Variants in PLCB4 observed in about 807,000 individuals in gnomAD.
The protein encoded by PLCB4 is phospholipase C beta 4.
In PLCB4, 77 loss-of-function variants were observed where a neutral mutation model predicts 178.8. The observed-to-expected ratio is 0.43, with a 90% CI of 0.36 to 0.52. The LOEUF (loss-of-function observed/expected upper bound fraction) is 0.52, where lower values mean the gene tolerates loss of function less well. Among genes scored for constraint, PLCB4 ranks in the 20% least tolerant of loss-of-function variants. The pLI is 0.00. For synonymous variants in PLCB4, 496 were observed against 490.8 expected, an observed-to-expected ratio of 1.01 and a Z score of -0.14; for missense variants, 1,024 against 1,453.4, an observed-to-expected ratio of 0.70 and a Z score of 4.80.
intron 3 of PLCB4, among the ~76,000 whole-genome samples, chr20:9,294,656 C>G (rs914884609): frequency 6.6e-6 from 1 of 151,910 alleles, no homozygotes; most frequent in East Asian, 1.9e-4. Flanking sequence ...CCCCTTTTTT[C>G]CTTTTTGCTG....
chr20:9,108,795 G>A (rs1600463772), intron 2 of PLCB4, among the ~76,000 whole-genome samples: 1 of 151,870 alleles, frequency 6.6e-6, no homozygotes, highest in East Asian at 1.9e-4. Flanking sequence ...TCCAGGTGCA[G>A]CTGCCCAAAC....
intron 3 of PLCB4, among the ~76,000 whole-genome samples, chr20:9,241,798 A>G (rs1348895388): frequency 1.3e-5 from 2 of 152,232 alleles, no homozygotes; most frequent in Non-Finnish European, 2.9e-5. Context: ...TTGGTTTATG[A>G]CAATAAACAT....
Position 9,435,550 on chromosome 20 carries a change from T to C in PLCB4, c.2525-10T>C. The C allele has an allele frequency of 6.5e-7, 1 of 1,536,380 alleles. No homozygotes were observed. Among genetic ancestry groups the C allele is most frequent in the Non-Finnish European group, 9.0e-7 (1 of 1,115,066 alleles). ...GAATTAACGGCTCATTGGGTTTTTT[T>C]TTCCCCTAGATATCGTGGATGCTTT... On this transcript the variant is annotated splice_polypyrimidine_tract_variant and intron_variant, in intron 28 of 39. Coordinates refer to ENST00000378473, the MANE Select transcript of PLCB4 (RefSeq NM_001377142.1).
chr20:9,457,163 G>A lies in PLCB4; in HGVS notation c.2997-251G>A, dbSNP rs138674015. 4.6e-5 allele frequency among the ~76,000 whole-genome samples: 7 copies of A among 152,266 alleles called. No individual in the cohort carries two copies. The East Asian group carries it at 1.2e-3, about 25-fold the overall frequency. ...GGAACCAAAATGGAAACTGACAACA[G>A]CCCCTTAATGATGAAATAATTGTTA... On this transcript the variant is annotated intron_variant, in intron 33 of 39. Coordinates refer to ENST00000378473, the MANE Select transcript of PLCB4 (RefSeq NM_001377142.1).
chr20:9,263,090 T>C (rs986245671), intron 3 of PLCB4, among the ~76,000 whole-genome samples: 1 of 152,112 alleles, frequency 6.6e-6, no homozygotes, highest in African/African-American at 2.4e-5. Context: ...TTAACTAGCA[T>C]CCCTGAAGTT....
intron 2 of PLCB4, among the ~76,000 whole-genome samples, chr20:9,115,071 T>C (rs1217963735): frequency 6.6e-6 from 1 of 152,178 alleles, no homozygotes; most frequent in East Asian, 1.9e-4. Flanking sequence ...TGGATCTTTG[T>C]GTTTGTTTGA....
chr20:9,088,178 C>CTTTTTTTTT, intron 1 of PLCB4, among the ~76,000 whole-genome samples: 1 of 99,158 alleles, frequency 1.0e-5, no homozygotes, highest in Non-Finnish European at 2.3e-5. Context: ...CTTTTCTTTT[C>CTTTTTTTTT]TTTTTTTTTT....
intron 12 of PLCB4, among the ~76,000 whole-genome samples, chr20:9,379,708 C>T (rs1324350088): frequency 1.3e-5 from 2 of 152,062 alleles, no homozygotes; most frequent in African/African-American, 2.4e-5. Flanking sequence ...ATTTTGACCT[C>T]ACGTTTTATA....
At chr20:9,217,889 G>A (rs911169779) in intron 3 of PLCB4, among the ~76,000 whole-genome samples, 1 of 152,138 alleles carries the variant, frequency 6.6e-6, no homozygotes, top group South Asian at 2.1e-4. Context: ...CCATTTTGGG[G>A]GAACTACCAG....
chr20:9,287,066 T>C (rs1459815356), intron 3 of PLCB4, among the ~76,000 whole-genome samples: 1 of 152,066 alleles, frequency 6.6e-6, no homozygotes, highest in African/African-American at 2.4e-5. Flanking sequence ...ATCATAATTT[T>C]TCAGCATGTT....
chr20:9,449,769 A>C (rs1167601204), intron 32 of PLCB4, among the ~76,000 whole-genome samples: 1 of 152,190 alleles, frequency 6.6e-6, no homozygotes, highest in African/African-American at 2.4e-5. Flanking sequence ...TCTCTTTGCT[A>C]TGCAAGCAAT....
intron 4 of PLCB4, among the ~76,000 whole-genome samples, chr20:9,322,092 C>T (rs1249645002): frequency 6.6e-6 from 1 of 150,814 alleles, no homozygotes; most frequent in African/African-American, 2.4e-5. Context: ...GCTGAGATTA[C>T]AGGCAGAGCC....
Position 9,457,500 on chromosome 20 carries a change from G to A in PLCB4, c.3072+11G>A. 4.5e-6 allele frequency: 6 copies of A among 1,343,830 alleles called. No homozygotes were observed. In the South Asian group the frequency reaches 5.9e-5, roughly 13 times the overall value. 83.2% of individuals were successfully genotyped at this position (1,343,830 alleles called of 1,614,324 possible). Reference sequence around the variant, plus strand: ...GATCACAAATCTAAGGTAAGAAAATGCCCATTTTTACAGCAGTGACTTGCA... The same window carrying A: ...GATCACAAATCTAAGGTAAGAAAATACCCATTTTTACAGCAGTGACTTGCA... On this transcript the variant is annotated intron_variant, in intron 34 of 39. Coordinates refer to ENST00000378473, the MANE Select transcript of PLCB4 (RefSeq NM_001377142.1).
intron 25 of PLCB4, among the ~76,000 whole-genome samples, chr20:9,417,582 T>G (rs1392240756): frequency 6.6e-6 from 1 of 152,214 alleles, no homozygotes; most frequent in Non-Finnish European, 1.5e-5. Flanking sequence ...ATACCATGTT[T>G]TGTGCCATAC....
At chr20:9,265,118 G>A (rs2094335961) in intron 3 of PLCB4, among the ~76,000 whole-genome samples, 1 of 152,084 alleles carries the variant, frequency 6.6e-6, no homozygotes. Context: ...GAGAATGACT[G>A]GGACCAAAAT....
At chr20:9,425,051 TA>T (rs397830384) in intron 28 of PLCB4, among the ~76,000 whole-genome samples, 111 of 133,650 alleles carry the variant, frequency 8.3e-4, no homozygotes, top group Admixed American at 1.2e-3. Flanking sequence ...TTGTCTTTCA[TA>T]AAAAAAAAAA....
chr20:9,454,176 G>C (rs1568871996), intron 33 of PLCB4, among the ~76,000 whole-genome samples: 1 of 152,190 alleles, frequency 6.6e-6, no homozygotes, highest in Non-Finnish European at 1.5e-5. Context: ...TGATGAGAGT[G>C]AGGTTATGCA....
intron 3 of PLCB4, among the ~76,000 whole-genome samples, chr20:9,224,058 T>C (rs866056587): frequency 2.0e-5 from 3 of 152,320 alleles, no homozygotes; most frequent in South Asian, 2.1e-4. Flanking sequence ...CCTGAAATCA[T>C]GGAAAGCAAA....
At chr20:9,104,527 G>C (rs1320602236) in intron 2 of PLCB4, among the ~76,000 whole-genome samples, 1 of 152,042 alleles carries the variant, frequency 6.6e-6, no homozygotes, top group African/African-American at 2.4e-5. Flanking sequence ...CCCAGTATTT[G>C]CATCTTGTCC....
Sources: gnomAD v4.1 joint callset for allele counts (sites outside exome capture counted in the v4.1 genomes callset) on GRCh38, gnomAD v4.1.1 for gene constraint, MANE v1.5 for transcripts, NCBI Gene and HGNC (gene_info 2026-07-23, HGNC 2026-07-21) for gene names.